The following NEBL variants were observed in gnomAD, a reference collection of about 807,000 sequenced individuals.
The protein encoded by NEBL is nebulette, also known as LIM and SH3 protein 2.
In NEBL, 122 loss-of-function variants were observed where a neutral mutation model predicts 140.2. The ratio of observed to expected loss-of-function variants is 0.87; its 90% CI spans 0.75 to 1.01. NEBL has a LOEUF of 1.01. Among genes scored for constraint, NEBL ranks in the 50% least tolerant of loss-of-function variants. The pLI, the probability that NEBL is intolerant of heterozygous loss-of-function variation, is 0.00. For missense variants in NEBL, 1,365 were observed against 1,231.3 expected, an observed-to-expected ratio of 1.11 and a Z score of -1.62; for synonymous variants, 436 against 398.9, an observed-to-expected ratio of 1.09 and a Z score of -1.11.
At chr10:21,196,237 C>T (rs1438693051) in intron 3 of NEBL, among the ~76,000 whole-genome samples, 2 of 151,902 alleles carry the variant, frequency 1.3e-5, no homozygotes, top group Admixed American at 6.6e-5. Flanking sequence ...CTCCTGACCT[C>T]GTGATCTGCC....
intron 1 of NEBL, among the ~76,000 whole-genome samples, chr10:21,267,620 T>C (rs575448061): frequency 3.3e-5 from 5 of 152,324 alleles, no homozygotes; most frequent in Non-Finnish European, 4.4e-5. Context: ...TTGGGAGTGA[T>C]TGTGTGTGTA....
chr10:21,119,565 G>T (rs1350609591), intron 2 of NEBL, among the ~76,000 whole-genome samples: 2 of 149,298 alleles, frequency 1.3e-5, no homozygotes, highest in Admixed American at 6.7e-5. Context: ...TATTATAAAT[G>T]AATATTACCA....
intron 4 of NEBL, among the ~76,000 whole-genome samples, chr10:20,906,377 T>C (rs1848094178): frequency 6.6e-6 from 1 of 152,156 alleles, no homozygotes; most frequent in Non-Finnish European, 1.5e-5. Context: ...ACAATACTAC[T>C]GATGCTCAGA....
At chr10:20,895,982 C>T (rs1215068113) in intron 2 of NEBL, among the ~76,000 whole-genome samples, 2 of 152,182 alleles carry the variant, frequency 1.3e-5, no homozygotes, top group Non-Finnish European at 2.9e-5. Context: ...CCCAAGGTTA[C>T]TGGGGAGTCA....
chr10:21,145,185 G>C (rs1171219472), intron 2 of NEBL, among the ~76,000 whole-genome samples: 4 of 152,178 alleles, frequency 2.6e-5, no homozygotes, highest in East Asian at 3.9e-4. Flanking sequence ...ATTTTGTCTG[G>C]GACAGTAGGT....
At chr10:21,066,388 G>A (rs75626630) in intron 2 of NEBL, among the ~76,000 whole-genome samples, 12 of 152,076 alleles carry the variant, frequency 7.9e-5, no homozygotes, top group South Asian at 2.1e-4. Context: ...ATAGCAATTC[G>A]TTGTTGATAA....
At chr10:21,159,450 A>G (rs1369611998) in intron 2 of NEBL, among the ~76,000 whole-genome samples, 1 of 152,218 alleles carries the variant, frequency 6.6e-6, no homozygotes, top group Non-Finnish European at 1.5e-5. Context: ...GAACTTCAAC[A>G]TAACAGAGAC....
In NEBL at chr10:21,112,411, TA is replaced by T. The variant is rs111439670; in HGVS notation, c.164+59971del. ...TGCACCATGGAATACTATACAACCA[TA>T]AAAAAGTTGAGTTCATGTCCTTTGC... On this transcript the variant is annotated intron_variant, in intron 2 of 6. Coordinates refer to the NEBL transcript ENST00000417816. Among the ~76,000 whole-genome samples, 19 of 152,142 alleles carry T rather than the reference TA, an allele frequency of 1.2e-4. 1 individual carries two copies. Among genetic ancestry groups the T allele is most frequent in the African/African-American group, 4.6e-4 (19 of 41,498 alleles).
intron 3 of NEBL, among the ~76,000 whole-genome samples, chr10:21,221,020 G>A (rs1368598347): frequency 6.6e-6 from 1 of 152,122 alleles, no homozygotes; most frequent in East Asian, 1.9e-4. Context: ...GCCAGGCGTA[G>A]TGGCATGCAC....
At chr10:20,911,301 T>C (rs1300009079) in intron 4 of NEBL, among the ~76,000 whole-genome samples, 3 of 152,188 alleles carry the variant, frequency 2.0e-5, no homozygotes, top group Admixed American at 2.0e-4. Flanking sequence ...AAGTTCAAAG[T>C]TAGCATGAAC....
chr10:20,938,525 A>AT (rs1187213574), intron 4 of NEBL, among the ~76,000 whole-genome samples: 1 of 152,246 alleles, frequency 6.6e-6, no homozygotes, highest in African/African-American at 2.4e-5. Context: ...TCTAAAAATC[A>AT]GAGCGCCTCT....
At chr10:21,068,880 T>G (rs1453795349) in intron 2 of NEBL, among the ~76,000 whole-genome samples, 1 of 152,162 alleles carries the variant, frequency 6.6e-6, no homozygotes, top group Non-Finnish European at 1.5e-5. Context: ...ATCATGTTTG[T>G]TGTTATTGTT....
In NEBL at chr10:20,947,883, G is replaced by A. The variant is rs370751232; in HGVS notation, c.357+13789C>T. On this transcript the variant is annotated intron_variant, in intron 4 of 6. Transcript: ENST00000417816. ...GCAATCAGACAATCTAACAAACACC[G>A]AATTATTTTCAGGTTATCTGTATGT... 2.2e-4 allele frequency among the ~76,000 whole-genome samples: 33 copies of A among 152,246 alleles called. No individual in the cohort carries two copies. The East Asian group carries it at 5.2e-3, about 24-fold the overall frequency.
Position 21,242,608 on chromosome 10 carries a change from A to G in NEBL, n.348+5313T>C, listed in dbSNP as rs56241046. Among the ~76,000 whole-genome samples the G allele has an allele frequency of 4.4e-3, 674 of 152,224 alleles. 7 individuals carry two copies. Among genetic ancestry groups the G allele is most frequent in the African/African-American group, 0.015 (635 of 41,522 alleles). ...GCACATGTACCCTGAGCCTAAAATA[A>G]AAGTTTTTTTAAAAAAAAGAAACAT... On this transcript the variant is annotated intron_variant and non_coding_transcript_variant, in intron 3 of 8. Transcript: ENST00000675702.
chr10:20,949,367 G>A (rs772035225), intron 4 of NEBL, among the ~76,000 whole-genome samples: 28 of 152,168 alleles, frequency 1.8e-4, no homozygotes, highest in Non-Finnish European at 2.9e-4. Flanking sequence ...AAACCTAGGT[G>A]ACGGATTGAT....
At chr10:20,876,366 G>C (rs1469874229) in intron 5 of NEBL, among the ~76,000 whole-genome samples, 1 of 152,010 alleles carries the variant, frequency 6.6e-6, no homozygotes, top group Non-Finnish European at 1.5e-5. Context: ...TAACTATTCT[G>C]TCTTAGAGAT....
chr10:20,930,537 T>G (rs572355002), intron 4 of NEBL, among the ~76,000 whole-genome samples: 1 of 152,194 alleles, frequency 6.6e-6, no homozygotes, highest in African/African-American at 2.4e-5. Flanking sequence ...ACAGTGACAG[T>G]AAAATCCTAG....
intron 4 of NEBL, among the ~76,000 whole-genome samples, chr10:20,930,185 T>C (rs991104274): frequency 4.6e-5 from 7 of 152,316 alleles, no homozygotes; most frequent in Non-Finnish European, 7.3e-5. Flanking sequence ...ATCCCTTCCC[T>C]AGTCTTCCTC....
chr10:21,216,991 GA>G (rs113200768), intron 3 of NEBL, among the ~76,000 whole-genome samples: 42,229 of 147,300 alleles, frequency 0.29, 10,732 homozygotes, highest in African/African-American at 0.69. Flanking sequence ...CAGTCTCGAA[GA>G]AAAAAAAAAA....
Sources: gnomAD v4.1 joint callset for allele counts (sites outside exome capture counted in the v4.1 genomes callset) on GRCh38, gnomAD v4.1.1 for gene constraint, MANE v1.5 for transcripts, NCBI Gene and HGNC (gene_info 2026-07-23, HGNC 2026-07-21) for gene names.